EPS8: variants seen among roughly 807,000 people sequenced by gnomAD.
EPS8 encodes the protein epidermal growth factor receptor kinase substrate 8.
A neutral mutation model predicts 103.8 loss-of-function variants in EPS8; 42 were observed. The observed-to-expected ratio is 0.40, with a 90% confidence interval of 0.32 to 0.52. The LOEUF (loss-of-function observed/expected upper bound fraction) is 0.52, where lower values mean the gene tolerates loss of function less well. EPS8 is among the 20% of genes least tolerant of loss of function. The probability of loss-of-function intolerance (pLI) is 0.40; values close to 1 mark genes in which losing one functional copy is unlikely to be tolerated. For missense variants in EPS8, 969 were observed against 1,005.1 expected, an observed-to-expected ratio of 0.96 and a Z score of 0.49; for synonymous variants, 344 against 344.6, an observed-to-expected ratio of 1.00 and a Z score of 0.02.
intron 1 of EPS8, among the ~76,000 whole-genome samples, chr12:15,746,128 C>G (rs779067141): frequency 1.3e-5 from 2 of 152,118 alleles, no homozygotes; most frequent in Non-Finnish European, 2.9e-5. Context: ...GTCAGTGATG[C>G]ATCTAATAGA....
chr12:15,624,746 C>T (rs1484937525), intron 18 of EPS8, among the ~76,000 whole-genome samples: 1 of 152,196 alleles, frequency 6.6e-6, no homozygotes, highest in South Asian at 2.1e-4. Context: ...TGAACCTTAA[C>T]TTGGCTGTTA....
At chr12:15,637,376 A>C (rs1945154488) in intron 17 of EPS8, among the ~76,000 whole-genome samples, 1 of 152,238 alleles carries the variant, frequency 6.6e-6, no homozygotes, top group Non-Finnish European at 1.5e-5. Context: ...GCAACACAGC[A>C]CAGGCTCTGG....
At chr12:15,649,446 C>T (rs565479102) in intron 14 of EPS8, among the ~76,000 whole-genome samples, 1 of 152,152 alleles carries the variant, frequency 6.6e-6, no homozygotes, top group South Asian at 2.1e-4. Context: ...TATTTTCTTT[C>T]CTCTAGAAAA....
rs1246772745 is a variant in EPS8 at position 15,748,799 on chromosome 12, G to A, written c.-22+40362C>T. 6.6e-6 allele frequency among the ~76,000 whole-genome samples: 1 copy of A among 152,084 alleles called. No homozygotes were observed. Among genetic ancestry groups the A allele is most frequent in the Non-Finnish European group, 1.5e-5 (1 of 68,008 alleles). Reference sequence around the variant, plus strand: ...CTTTTATTCACATATCCTCCTGAAAGGGCGAAAACATCCATTGCCTAGCCC... The same window carrying A: ...CTTTTATTCACATATCCTCCTGAAAAGGCGAAAACATCCATTGCCTAGCCC... On this transcript the variant is annotated intron_variant, in intron 1 of 20. Coordinates refer to ENST00000281172, the MANE Select transcript of EPS8 (RefSeq NM_004447.6). The surrounding 1 kb of genome is among the most constrained non-coding windows in gnomAD (Gnocchi z 4.8).
At chr12:15,774,274 A>G (rs1947184627) in intron 1 of EPS8, among the ~76,000 whole-genome samples, 1 of 152,020 alleles carries the variant, frequency 6.6e-6, no homozygotes, top group African/African-American at 2.4e-5. Context: ...CCTCTTTTAC[A>G]GATTTGATAA....
chr12:15,780,443 C>G lies in EPS8; in HGVS notation c.-22+8718G>C, dbSNP rs796756899. The G allele has an allele frequency of 2.0e-4, 30 of 146,788 alleles. No individual in the cohort carries two copies. The highest frequency in any genetic ancestry group is 7.5e-4 in the African/African-American group (30 of 40,190). 9.1% of individuals were successfully genotyped at this position (146,788 alleles called of 1,614,324 possible). A position where few individuals can be genotyped will look rare whatever the true frequency, so the allele number is the denominator to read the frequency against. On this transcript the variant is annotated intron_variant, in intron 1 of 20. Coordinates refer to ENST00000281172, the MANE Select transcript of EPS8 (RefSeq NM_004447.6). The surrounding 1 kb of genome is among the most constrained non-coding windows in gnomAD (Gnocchi z 4.1). ...GTAAAGACTTTTCTGACTCCCTCGG[C>G]CACAGTGAGGCTCTCCTTTCTGCTA...
intron 1 of EPS8, among the ~76,000 whole-genome samples, chr12:15,755,131 T>A (rs954676607): frequency 2.0e-5 from 3 of 151,982 alleles, no homozygotes; most frequent in African/African-American, 7.3e-5. Context: ...ATAGATGACA[T>A]CACTCATCTA....
intron 1 of EPS8, among the ~76,000 whole-genome samples, chr12:15,715,493 C>T (rs1262138608): frequency 7.0e-6 from 1 of 143,706 alleles, no homozygotes; most frequent in Non-Finnish European, 1.5e-5. Flanking sequence ...CTACTGGGTT[C>T]AAGTGATTCT....
chr12:15,623,701 G>A (rs972104235), intron 19 of EPS8, among the ~76,000 whole-genome samples: 5 of 152,098 alleles, frequency 3.3e-5, no homozygotes, highest in Non-Finnish European at 7.4e-5. Context: ...ATAGTTCATT[G>A]TGCCAAATAC....
intron 14 of EPS8, 38 bp downstream of exon 14, chr12:15,650,785 A>T (rs1945398815): frequency 6.7e-7 from 1 of 1,490,320 alleles, no homozygotes; most frequent in Non-Finnish European, 9.3e-7. Context: ...ACAGATAATT[A>T]CACTGTCTAC....
At chr12:15,724,878 C>G (rs1946636158) in intron 1 of EPS8, among the ~76,000 whole-genome samples, 2 of 152,102 alleles carry the variant, frequency 1.3e-5, no homozygotes, top group African/African-American at 4.8e-5. Context: ...TATAAATTAC[C>G]CAGTCTTGGG....
In EPS8 at chr12:15,688,328, T is replaced by C. The variant is rs1426191022; in HGVS notation, c.-21-5356A>G. Reference sequence around the variant, plus strand: ...GGTAATGATACGGAAGGGAAGGGAGTGGTCCCTTTAAATAATACAGAAGTG... The same window carrying C: ...GGTAATGATACGGAAGGGAAGGGAGCGGTCCCTTTAAATAATACAGAAGTG... On this transcript the variant is annotated intron_variant, in intron 1 of 20. Coordinates refer to ENST00000281172, the MANE Select transcript of EPS8 (RefSeq NM_004447.6). This position sits in a 1 kb window ranked among gnomAD's most constrained non-coding sequence, Gnocchi z 5.1. Among the ~76,000 whole-genome samples the C allele has an allele frequency of 6.6e-6, 1 of 151,172 alleles. No homozygotes were observed. The highest frequency in any genetic ancestry group is 1.5e-5 in the Non-Finnish European group (1 of 67,890).
Position 15,787,525 on chromosome 12 carries a change from C to T in EPS8, c.-22+1636G>A, listed in dbSNP as rs1265875027. Among the ~76,000 whole-genome samples, 1 of 152,086 alleles carries T rather than the reference C, an allele frequency of 6.6e-6. No homozygotes were observed. Among genetic ancestry groups the T allele is most frequent in the Non-Finnish European group, 1.5e-5 (1 of 68,012 alleles). ...TACTAACAGTATAAGTTAAATTACACTTACTGGAAATTACTATATAATATT... is the reference window on the plus strand; with the variant it reads ...TACTAACAGTATAAGTTAAATTACATTTACTGGAAATTACTATATAATATT... On this transcript the variant is annotated intron_variant, in intron 1 of 20. Coordinates refer to ENST00000281172, the MANE Select transcript of EPS8 (RefSeq NM_004447.6). The surrounding 1 kb of genome is among the most constrained non-coding windows in gnomAD (Gnocchi z 4.9).
At position 15,787,514 on chromosome 12, in the gene EPS8, G is replaced by A. The variant is rs58072303; in HGVS notation, c.-22+1647C>T. On this transcript the variant is annotated intron_variant, in intron 1 of 20. Transcript: ENST00000281172. The surrounding 1 kb of genome is among the most constrained non-coding windows in gnomAD (Gnocchi z 4.9). ...AAGAGTGGGGCTACTAACAGTATAA[G>A]TTAAATTACACTTACTGGAAATTAC... Among the ~76,000 whole-genome samples the A allele has an allele frequency of 6.6e-6, 1 of 152,102 alleles. No homozygotes were observed. The highest frequency in any genetic ancestry group is 2.4e-5 in the African/African-American group (1 of 41,406).
At chr12:15,685,720 A>G (rs1374381202) in intron 1 of EPS8, among the ~76,000 whole-genome samples, 6 of 152,192 alleles carry the variant, frequency 3.9e-5, no homozygotes, top group Non-Finnish European at 7.3e-5. Context: ...GAGGCTTTCA[A>G]ATACCCAATT....
At chr12:15,670,944 G>T in intron 3 of EPS8, 21 bp from the exon 4 acceptor site, 1 of 1,593,166 alleles carries the variant, frequency 6.3e-7, no homozygotes, top group Non-Finnish European at 8.6e-7. Context: ...AATTGAAAAA[G>T]CCATGATTTG....
chr12:15,666,072 T>C (rs1945703862), intron 7 of EPS8, among the ~76,000 whole-genome samples, 180 bp from the exon 8 acceptor site: 1 of 152,194 alleles, frequency 6.6e-6, no homozygotes, highest in Non-Finnish European at 1.5e-5. Flanking sequence ...AAAAAATTAA[T>C]AGTCAGCTGA....
rs918960938 is a variant in EPS8 at position 15,735,109 on chromosome 12, A to G, written c.-21-52137T>C. On this transcript the variant is annotated intron_variant, in intron 1 of 20. Transcript: ENST00000281172. This position sits in a 1 kb window ranked among gnomAD's most constrained non-coding sequence, Gnocchi z 4.4. ...ATTCCCAGGTACATGCAAATGACAAAGTTTCCAAAGAAACAGTAGACTGAT... is the reference window on the plus strand; with the variant it reads ...ATTCCCAGGTACATGCAAATGACAAGGTTTCCAAAGAAACAGTAGACTGAT... Among the ~76,000 whole-genome samples, 54 of 152,188 alleles carry G rather than the reference A, an allele frequency of 3.5e-4. No individual in the cohort carries two copies. The highest frequency in any genetic ancestry group is 1.2e-3 in the African/African-American group (50 of 41,452).
chr12:15,651,101 C>A, intron 13 of EPS8, 95 bp from the exon 14 acceptor site: 1 of 949,296 alleles, frequency 1.1e-6, no homozygotes, highest in South Asian at 1.7e-5. Context: ...CACACGCACA[C>A]ACACATAAAT....
Sources: gnomAD v4.1 joint callset for allele counts (sites outside exome capture counted in the v4.1 genomes callset) on GRCh38, gnomAD v4.1.1 for gene constraint, Gnocchi (gnomAD v3.1) non-coding constraint, MANE v1.5 for transcripts, NCBI Gene and HGNC (gene_info 2026-07-23, HGNC 2026-07-21) for gene names.